Variants in INTS1 observed in about 807,000 individuals in gnomAD.
The protein encoded by INTS1 is integrator complex subunit 1.
INTS1 carries 137 observed loss-of-function variants against 241.6 expected under a neutral mutation model. That is an observed-to-expected ratio of 0.57 (90% CI 0.49 to 0.65). The LOEUF (loss-of-function observed/expected upper bound fraction) is 0.65. INTS1 is among the 30% of genes least tolerant of loss of function. The pLI, the probability that INTS1 is intolerant of heterozygous loss-of-function variation, is 0.00. For synonymous variants in INTS1, 1,692 were observed against 1,337.8 expected, an observed-to-expected ratio of 1.26 and a Z score of -5.78; for missense variants, 3,073 against 3,032.2, an observed-to-expected ratio of 1.01 and a Z score of -0.32.
chr7:1,471,332 G>A (rs1781459205), intron 45 of INTS1, 108 bp from the exon 46 acceptor site: 1 of 1,202,864 alleles, frequency 8.3e-7, no homozygotes, highest in Admixed American at 2.1e-5. Flanking sequence ...GGGACCCTAG[G>A]CCCCTATCCA....
intron 18 of INTS1, 139 bp downstream of exon 18, chr7:1,489,205 C>T (rs967430061): frequency 4.6e-6 from 3 of 655,748 alleles, no homozygotes; most frequent in Admixed American, 2.8e-5. Flanking sequence ...GATCCAGAAG[C>T]TCAGGTCCAT....
chr7:1,487,163 C>T, intron 20 of INTS1, 62 bp from the exon 21 acceptor site: 1 of 1,524,920 alleles, frequency 6.6e-7, no homozygotes, highest in South Asian at 1.2e-5. Flanking sequence ...CCGCCAGCCC[C>T]CCGGGTGACC....
In INTS1 at chr7:1,486,922, C is replaced by A; in HGVS notation, c.2826G>T (p.Gln942His). The A allele has an allele frequency of 6.3e-7, 1 of 1,598,944 alleles. No homozygotes were observed. Among genetic ancestry groups the A allele is most frequent in the Non-Finnish European group, 8.5e-7 (1 of 1,176,562 alleles). Residue 942 changes from glutamine (Q) to histidine (H), a missense_variant and splice_region_variant, in exon 21 of 48, where the codon CAG becomes CAT. Coordinates refer to ENST00000404767, the MANE Select transcript of INTS1 (RefSeq NM_001080453.3). ...ESKEQKAKKR[Q>H]RQQKQRQLLG... ...GGGCTGAGGGGTGGGCGGCCCTGAC[C>A]TGCCGCTTCTTGGCCTTCTGCTCCT...
intron 21 of INTS1, 35 bp from the exon 22 acceptor site, chr7:1,486,809 G>C (rs376595495): frequency 6.2e-7 from 1 of 1,608,068 alleles, no homozygotes. Context: ...GGGTGCAGGT[G>C]ACAGGCCAGG....
intron 12 of INTS1, among the ~76,000 whole-genome samples, chr7:1,495,900 A>G (rs964492305): frequency 6.6e-6 from 1 of 152,158 alleles, no homozygotes; most frequent in Non-Finnish European, 1.5e-5. Flanking sequence ...CACGCCTGCA[A>G]TGCCCCCATG....
intron 20 of INTS1, 83 bp downstream of exon 20, chr7:1,487,237 C>A: frequency 6.6e-7 from 1 of 1,521,954 alleles, no homozygotes; most frequent in Non-Finnish European, 8.9e-7. Context: ...GTGTGTCCTG[C>A]CCTCTTCTGG....
Position 1,485,435 on chromosome 7 carries a change from C to T in INTS1, c.3011G>A (p.Arg1004Gln), listed in dbSNP as rs200828819. The T allele has an allele frequency of 5.6e-6, 9 of 1,612,642 alleles. No homozygotes were observed. The highest frequency in any genetic ancestry group is 2.7e-5 in the African/African-American group (2 of 74,940). Residue 1004 changes from arginine (R) to glutamine (Q), a missense_variant, in exon 23 of 48, where the codon CGG (arginine) becomes CAG (glutamine). Coordinates refer to ENST00000404767, the MANE Select transcript of INTS1 (RefSeq NM_001080453.3). ...GGGGGGCTCCTTCTCCTCCCCGTCC[C>T]GCAGGCTGCCCTCCGAAAGCACCAG... ...LSLVLSEGSL[R>Q]DGEEKEPPME...
intron 3 of INTS1, among the ~76,000 whole-genome samples, chr7:1,501,768 C>A (rs1409720633): frequency 2.0e-5 from 3 of 152,192 alleles, no homozygotes; most frequent in Admixed American, 2.0e-4. Flanking sequence ...GCTGTGCCAT[C>A]CTGGGCCGTT....
Position 1,497,017 on chromosome 7 carries a change from G to C in INTS1, c.1602+121C>G. The C allele has an allele frequency of 9.7e-7, 1 of 1,026,748 alleles. No individual in the cohort carries two copies. Among genetic ancestry groups the C allele is most frequent in the Non-Finnish European group, 1.4e-6 (1 of 722,468 alleles). 63.6% of individuals were successfully genotyped at this position (1,026,748 alleles called of 1,614,324 possible). ...ACCGCAAACAGCCTCACTCATCCCCGTACCCACGCTCAGCCAGAGCATCCG... is the reference window on the plus strand; with the variant it reads ...ACCGCAAACAGCCTCACTCATCCCCCTACCCACGCTCAGCCAGAGCATCCG... On this transcript the variant is annotated intron_variant, in intron 11 of 47. Coordinates refer to ENST00000404767, the MANE Select transcript of INTS1 (RefSeq NM_001080453.3). The surrounding 1 kb of genome is among the most constrained non-coding windows in gnomAD (Gnocchi z 5.3).
At position 1,497,781 on chromosome 7, in the gene INTS1, T is replaced by G. The variant is rs7789292; in HGVS notation, c.1426-467A>C. Reference sequence around the variant, plus strand: ...TGCCTCCCTCGTGTTTCACACTCCATAGAGCCCACCGGGAGGCCTAATGCG... The same window carrying G: ...TGCCTCCCTCGTGTTTCACACTCCAGAGAGCCCACCGGGAGGCCTAATGCG... On this transcript the variant is annotated intron_variant, in intron 10 of 47. Coordinates refer to ENST00000404767, the MANE Select transcript of INTS1 (RefSeq NM_001080453.3). The surrounding 1 kb of genome is among the most constrained non-coding windows in gnomAD (Gnocchi z 5.3). Among the ~76,000 whole-genome samples the G allele has an allele frequency of 1.4e-4, 21 of 151,386 alleles. No individual in the cohort carries two copies. Among genetic ancestry groups the G allele is most frequent in the Non-Finnish European group, 2.5e-4 (17 of 67,784 alleles).
In INTS1 at chr7:1,499,121, C is replaced by A; in HGVS notation, c.991G>T (p.Asp331Tyr). Reference protein sequence around the residue: ...LAESVEEYVLDMLRDQLNRRQ... With the variant: ...LAESVEEYVLYMLRDQLNRRQ... ...CGGTTCAGCTGGTCCCGCAGCATGTCCAGGACATACTCCTCCACGCTCTCC... is the reference window on the plus strand; with the variant it reads ...CGGTTCAGCTGGTCCCGCAGCATGTACAGGACATACTCCTCCACGCTCTCC... The change falls in exon 8 of 48, where the codon GAC becomes TAC. Residue 331 changes from aspartate to tyrosine, a missense_variant. Coordinates refer to ENST00000404767, the MANE Select transcript of INTS1 (RefSeq NM_001080453.3). The A allele has an allele frequency of 6.2e-7, 1 of 1,611,722 alleles. No individual in the cohort carries two copies. Among genetic ancestry groups the A allele is most frequent in the Non-Finnish European group, 8.5e-7 (1 of 1,179,648 alleles).
At chr7:1,501,261 G>A (rs1005731090) in intron 3 of INTS1, 6 of 148,956 alleles carry the variant, frequency 4.0e-5, no homozygotes, top group Non-Finnish European at 8.9e-5. Context: ...TTCCAGCCTG[G>A]GGAACACAGC....
rs895761027 is a variant in INTS1, at chr7:1,499,293, C to T, written c.912G>A (p.Glu304=). ...DSQTELLIAE[E]KLSPEQEGQL... is the part of the protein sequence containing the mutation. ...GGCCCTCCTGCTCGGGGCTCAGCTT[C>T]TCCTCCGCGATCAGCAACTCCGTCT... Residue 304 remains glutamate (E), a synonymous_variant, in exon 7 of 48, where the codon GAG becomes GAA. Coordinates refer to ENST00000404767, the MANE Select transcript of INTS1 (RefSeq NM_001080453.3). 11 of 1,609,044 alleles carry T rather than the reference C, an allele frequency of 6.8e-6. No homozygotes were observed. In the African/African-American group the frequency reaches 1.5e-4, roughly 21 times the overall value.
rs1226490938 is a variant in INTS1 at position 1,486,695 on chromosome 7, C to T, written c.2906G>A (p.Cys969Tyr). The T allele has an allele frequency of 1.2e-6, 2 of 1,612,574 alleles. No homozygotes were observed. Among genetic ancestry groups the T allele is most frequent in the Non-Finnish European group, 1.7e-6 (2 of 1,179,824 alleles). The change falls in exon 22 of 48, where the codon TGT becomes TAT. Residue 969 changes from cysteine (C) to tyrosine (Y), a missense_variant. Transcript: ENST00000404767. ...LGPKADEQTT[C>Y]EVLDYFLRRL... ...CCGCAAGAAGTAGTCCAGCACCTCA[C>T]ACGTGGTCTGCTCATCAGCCTTCGG... is the stretch of plus-strand genomic sequence containing the variant.
chr7:1,479,305 C>A, intron 31 of INTS1, 125 bp downstream of exon 31: 1 of 1,171,340 alleles, frequency 8.5e-7, no homozygotes, highest in Non-Finnish European at 1.2e-6. Flanking sequence ...GGGGCACTGT[C>A]CTTTCTCACT....
Position 1,493,178 on chromosome 7 carries a change from G to T in INTS1, c.2069-72C>A. 1.6e-6 allele frequency: 2 copies of T among 1,243,424 alleles called. No homozygotes were observed. The highest frequency in any genetic ancestry group is 2.3e-6 in the Non-Finnish European group (2 of 866,942). The allele number at this position is 1,243,424 out of a possible 1,614,324, so 77.0% of individuals were successfully genotyped here. The stretch of plus-strand genomic sequence containing the variant: ...TCAGGCACAGGCAGCGAGGGAACCG[G>T]CCCTGCTCGGGCCGCGTCGGGGTGG... On this transcript the variant is annotated intron_variant, in intron 15 of 47. Transcript: ENST00000404767. The surrounding 1 kb of genome is among the most constrained non-coding windows in gnomAD (Gnocchi z 5.3).
At position 1,472,623 on chromosome 7, in the gene INTS1, C is replaced by T. The variant is rs553172015; in HGVS notation, c.6071-237G>A. On this transcript the variant is annotated intron_variant, in intron 43 of 47. Transcript: ENST00000404767. ...GTTTCTCGCAATGTGGGCCAGGACC[C>T]ACTGGGCACAAGACGGGATGGCCCC... Among the ~76,000 whole-genome samples, 6 of 152,316 alleles carry T rather than the reference C, an allele frequency of 3.9e-5. 1 individual carries two copies. The South Asian group carries it at 1.2e-3, about 32-fold the overall frequency.
intron 20 of INTS1, 48 bp from the exon 21 acceptor site, chr7:1,487,149 C>T: frequency 6.5e-7 from 1 of 1,530,660 alleles, no homozygotes; most frequent in Non-Finnish European, 8.8e-7. Context: ...AGGCCCAACA[C>T]CTGCCGCCAG....
intron 39 of INTS1, 81 bp from the exon 40 acceptor site, chr7:1,474,919 G>C (rs1781640964): frequency 6.7e-7 from 1 of 1,500,256 alleles, no homozygotes; most frequent in Admixed American, 2.1e-5. Flanking sequence ...CGCCAGCTGT[G>C]GCCGTGATCC....
Sources: gnomAD v4.1 joint callset for allele counts (sites outside exome capture counted in the v4.1 genomes callset) on GRCh38, gnomAD v4.1.1 for gene constraint, Gnocchi (gnomAD v3.1) non-coding constraint, MANE v1.5 for transcripts, NCBI Gene and HGNC (gene_info 2026-07-23, HGNC 2026-07-21) for gene names.